HLCS: variants seen among roughly 807,000 people sequenced by gnomAD.
HLCS encodes the protein holocarboxylase synthetase, also known as biotin--protein ligase.
In HLCS, 53 loss-of-function variants were observed where a neutral mutation model predicts 75.0. The observed-to-expected ratio is 0.71, with a 90% CI of 0.57 to 0.89. The LOEUF (loss-of-function observed/expected upper bound fraction) is 0.89. Among genes scored for constraint, HLCS ranks in the 40% least tolerant of loss-of-function variants. HLCS has a pLI of 0.00. For synonymous variants in HLCS, 431 were observed against 428.6 expected (o/e 1.01, Z -0.07); for missense variants, 966 against 1,074.0 (o/e 0.90, Z 1.41).
rs1027324203 is a variant in HLCS at position 36,749,067 on chromosome 21, A to G, written c.*5179T>C. 1 of 152,684 alleles carries G rather than the reference A, an allele frequency of 6.5e-6. No individual in the cohort carries two copies. The highest frequency in any genetic ancestry group is 1.5e-5 in the Non-Finnish European group (1 of 68,044). The allele number at this position is 152,684 out of a possible 1,614,324, so 9.5% of individuals were successfully genotyped here. A position where few individuals can be genotyped will look rare whatever the true frequency, so the allele number is the denominator to read the frequency against. On this transcript the variant is annotated 3_prime_UTR_variant, in exon 11 of 11. Transcript: ENST00000674895. ...GGGGTGTAATGAAAATGATGTAGACATTTTAAGCATTTTCTACACAGCGAG... is the reference window on the plus strand; with the variant it reads ...GGGGTGTAATGAAAATGATGTAGACGTTTTAAGCATTTTCTACACAGCGAG...
At chr21:36,965,014 T>C (rs1029160848) in intron 1 of HLCS, among the ~76,000 whole-genome samples, 3 of 152,198 alleles carry the variant, frequency 2.0e-5, no homozygotes, top group Admixed American at 6.5e-5. Flanking sequence ...TAGTGTCAGT[T>C]ATGTGGAGGT....
chr21:36,945,838 A>T (rs1160857387), intron 2 of HLCS, among the ~76,000 whole-genome samples: 1 of 152,206 alleles, frequency 6.6e-6, no homozygotes, highest in Non-Finnish European at 1.5e-5. Context: ...ACAAAAAGAA[A>T]AGAGTCCAGG....
chr21:36,990,002 G>T (rs1028454072), intron 1 of HLCS, among the ~76,000 whole-genome samples: 16 of 152,084 alleles, frequency 1.1e-4, no homozygotes, highest in Non-Finnish European at 1.9e-4. Context: ...GCTGGAGGCG[G>T]CTTTCCGGCC....
At chr21:36,772,645 A>G (rs2060243088) in intron 6 of HLCS, among the ~76,000 whole-genome samples, 1 of 151,008 alleles carries the variant, frequency 6.6e-6, no homozygotes, top group African/African-American at 2.4e-5. Flanking sequence ...TCTCAAAAAA[A>G]AAAAAAAAAA....
chr21:36,952,699 G>A (rs2067725377), intron 2 of HLCS, among the ~76,000 whole-genome samples: 1 of 150,068 alleles, frequency 6.7e-6, no homozygotes. Context: ...GCTGAGGCAG[G>A]AGAATTGCTT....
chr21:36,851,484 C>A (rs1411654980), intron 6 of HLCS, among the ~76,000 whole-genome samples: 1 of 152,080 alleles, frequency 6.6e-6, no homozygotes. Flanking sequence ...AATTAAAACA[C>A]TGAACTCATG....
chr21:36,854,382 C>T (rs1388187564), intron 6 of HLCS, among the ~76,000 whole-genome samples: 6 of 152,012 alleles, frequency 3.9e-5, no homozygotes, highest in African/African-American at 1.2e-4. Context: ...ATCTGGGGCA[C>T]GGGGAAGGAC....
intron 1 of HLCS, chr21:36,972,304 T>G (rs1715370410): frequency 6.6e-6 from 1 of 152,160 alleles, no homozygotes. Context: ...CTTCCTTCTT[T>G]TGAATTTAAT....
At chr21:36,947,783 G>GC in intron 2 of HLCS, 1 of 985,538 alleles carries the variant, frequency 1.0e-6, no homozygotes, top group Non-Finnish European at 1.2e-6. Context: ...AGGTGGCCCT[G>GC]CCCAACAGGG....
intron 4 of HLCS, among the ~76,000 whole-genome samples, chr21:36,936,011 T>C (rs1160205271): frequency 1.3e-5 from 2 of 152,212 alleles, no homozygotes; most frequent in Non-Finnish European, 2.9e-5. Context: ...CAGTATTTCA[T>C]CGCAGTGGTC....
intron 6 of HLCS, among the ~76,000 whole-genome samples, chr21:36,861,573 C>T (rs1569113461): frequency 6.6e-6 from 1 of 152,136 alleles, no homozygotes; most frequent in East Asian, 1.9e-4. Context: ...GGCCACAGGG[C>T]CCATTGTTCC....
intron 2 of HLCS, chr21:36,948,012 C>T: frequency 1.0e-6 from 1 of 984,978 alleles, no homozygotes; most frequent in Non-Finnish European, 1.2e-6. Context: ...AAATACAGGG[C>T]CAGGCGCGGT....
chr21:36,942,398 C>CAAA (rs55999516), intron 2 of HLCS, among the ~76,000 whole-genome samples: 27 of 80,932 alleles, frequency 3.3e-4, no homozygotes, highest in African/African-American at 7.1e-4. Context: ...GACTCCGTCT[C>CAAA]AAAAAAAAAA....
At chr21:36,801,257 G>C (rs571926969) in intron 6 of HLCS, among the ~76,000 whole-genome samples, 54 of 152,292 alleles carry the variant, frequency 3.5e-4, no homozygotes, top group Non-Finnish European at 6.0e-4. Context: ...AGAGACGCAA[G>C]TAACTTTTCA....
At chr21:36,766,407 T>C (rs2090035434) in intron 7 of HLCS, among the ~76,000 whole-genome samples, 1 of 146,012 alleles carries the variant, frequency 6.8e-6, no homozygotes, top group Admixed American at 6.7e-5. Flanking sequence ...AATGTCTTTT[T>C]CAAAAAACAA....
intron 2 of HLCS, among the ~76,000 whole-genome samples, chr21:36,954,168 T>C (rs1212532168): frequency 1.3e-5 from 2 of 151,864 alleles, no homozygotes; most frequent in Non-Finnish European, 2.9e-5. Flanking sequence ...TAGCCGGGCA[T>C]GGTGGCTCGC....
intron 6 of HLCS, among the ~76,000 whole-genome samples, chr21:36,768,077 T>C (rs181613683): frequency 5.9e-5 from 9 of 152,344 alleles, no homozygotes; most frequent in Admixed American, 2.0e-4. Flanking sequence ...AACCCCGTGG[T>C]AGGACAGTTC....
At chr21:36,888,772 G>T (rs901505368) in intron 6 of HLCS, among the ~76,000 whole-genome samples, 1 of 151,854 alleles carries the variant, frequency 6.6e-6, no homozygotes, top group African/African-American at 2.4e-5. Flanking sequence ...AGACAGTAAG[G>T]CTCAGGGAGG....
intron 1 of HLCS, among the ~76,000 whole-genome samples, chr21:36,989,042 A>ATT (rs746082059): frequency 1.2e-5 from 1 of 83,048 alleles, no homozygotes; most frequent in African/African-American, 4.3e-5. Context: ...TTATTTATTT[A>ATT]TTTATTTTTT....
Sources: gnomAD v4.1 joint callset for allele counts (sites outside exome capture counted in the v4.1 genomes callset) on GRCh38, gnomAD v4.1.1 for gene constraint, MANE v1.5 for transcripts, NCBI Gene and HGNC (gene_info 2026-07-23, HGNC 2026-07-21) for gene names.